Variants in NLGN1 observed in about 807,000 individuals in gnomAD.
NLGN1 encodes neuroligin 1.
Under a neutral mutation model 65.5 loss-of-function variants are expected in NLGN1, and 12 were observed. That is an observed-to-expected ratio of 0.18 (90% confidence interval 0.12 to 0.30). The LOEUF is 0.30. Among genes scored for constraint, NLGN1 ranks in the 10% least tolerant of loss-of-function variants. NLGN1 has a pLI of 1.00. For missense variants in NLGN1, 750 were observed against 1,007.1 expected (o/e 0.74, Z 3.46); for synonymous variants, 350 against 359.5 (o/e 0.97, Z 0.30).
intron 4 of NLGN1, among the ~76,000 whole-genome samples, chr3:174,048,405 C>A (rs1410464725): frequency 1.3e-5 from 2 of 151,904 alleles, no homozygotes; most frequent in South Asian, 2.1e-4. Context: ...GAGGTGAAAT[C>A]ATTGGTGTCA....
At chr3:174,164,462 C>T (rs188519702) in intron 4 of NLGN1, among the ~76,000 whole-genome samples, 67 of 151,736 alleles carry the variant, frequency 4.4e-4, no homozygotes, top group Admixed American at 3.4e-3. Context: ...GGCTTTGTTG[C>T]GCTTTTTCTT....
At chr3:173,979,885 C>T (rs1270095494) in intron 4 of NLGN1, among the ~76,000 whole-genome samples, 6 of 151,964 alleles carry the variant, frequency 3.9e-5, no homozygotes, top group Non-Finnish European at 8.8e-5. Flanking sequence ...TCAACATGTT[C>T]AATGGATTGT....
chr3:173,492,039 G>A (rs1310376831), intron 2 of NLGN1, among the ~76,000 whole-genome samples: 1 of 151,746 alleles, frequency 6.6e-6, no homozygotes, highest in Non-Finnish European at 1.5e-5. Flanking sequence ...GTGGGTAAAG[G>A]ATGGGATATG....
intron 4 of NLGN1, among the ~76,000 whole-genome samples, chr3:174,202,399 CA>C (rs1443302606): frequency 5.9e-5 from 9 of 151,738 alleles, no homozygotes; most frequent in Admixed American, 3.3e-4. Context: ...AGCCATGTAC[CA>C]GGGGGTGAAA....
chr3:173,580,352 C>T (rs761024291), intron 2 of NLGN1, among the ~76,000 whole-genome samples: 5 of 151,968 alleles, frequency 3.3e-5, no homozygotes, highest in Non-Finnish European at 5.9e-5. Context: ...TTGGAATGCC[C>T]TATAGTGCTC....
intron 1 of NLGN1, among the ~76,000 whole-genome samples, chr3:173,426,461 T>C (rs1716126549): frequency 6.6e-6 from 1 of 152,122 alleles, no homozygotes; most frequent in Non-Finnish European, 1.5e-5. Context: ...TGATGTTAGC[T>C]ATGGGTTTGT....
At chr3:174,144,871 T>C (rs1213134724) in intron 4 of NLGN1, among the ~76,000 whole-genome samples, 1 of 152,178 alleles carries the variant, frequency 6.6e-6, no homozygotes, top group Non-Finnish European at 1.5e-5. Context: ...ACTCTAATGA[T>C]AGTTTCTTTT....
intron 3 of NLGN1, among the ~76,000 whole-genome samples, chr3:173,623,508 A>G (rs571696118): frequency 1.3e-5 from 2 of 152,226 alleles, no homozygotes; most frequent in South Asian, 2.1e-4. Flanking sequence ...TCACTATGGA[A>G]GGAGAGAATG....
chr3:173,733,121 T>G (rs1773135015), intron 3 of NLGN1, among the ~76,000 whole-genome samples: 1 of 152,114 alleles, frequency 6.6e-6, no homozygotes, highest in Admixed American at 6.6e-5. Context: ...TTAAATCTGG[T>G]TTTAAAAATC....
chr3:173,668,191 T>A (rs1485303801), intron 3 of NLGN1, among the ~76,000 whole-genome samples: 1 of 152,102 alleles, frequency 6.6e-6, no homozygotes, highest in Admixed American at 6.6e-5. Flanking sequence ...GTGATCAAAA[T>A]TTCCTTAGGG....
chr3:173,736,660 A>AG (rs1773814626), intron 3 of NLGN1, among the ~76,000 whole-genome samples: 1 of 151,986 alleles, frequency 6.6e-6, no homozygotes, highest in Non-Finnish European at 1.5e-5. Flanking sequence ...AGATAAAAAA[A>AG]AAATAATTTT....
chr3:173,419,845 T>G (rs150227519), intron 1 of NLGN1, among the ~76,000 whole-genome samples: 1,591 of 152,036 alleles, frequency 0.01, 37 homozygotes, highest in African/African-American at 0.036. Context: ...TGGTAGTGTG[T>G]GCCTGTAGTC....
intron 2 of NLGN1, among the ~76,000 whole-genome samples, chr3:173,450,250 C>A (rs1384924791): frequency 2.0e-5 from 3 of 152,086 alleles, no homozygotes; most frequent in African/African-American, 7.2e-5. Flanking sequence ...TCTTTTAGGG[C>A]AGGCCTGGTG....
At chr3:173,919,390 T>C (rs1384059286) in intron 4 of NLGN1, among the ~76,000 whole-genome samples, 3 of 152,158 alleles carry the variant, frequency 2.0e-5, no homozygotes, top group African/African-American at 7.2e-5. Flanking sequence ...GAAAAAAATT[T>C]TCTTGGGTTT....
intron 4 of NLGN1, among the ~76,000 whole-genome samples, chr3:173,834,450 C>A (rs1488879900): frequency 6.6e-6 from 1 of 152,048 alleles, no homozygotes; most frequent in African/African-American, 2.4e-5. Flanking sequence ...AAGAACTGAT[C>A]TTTCACAACA....
chr3:173,428,615 A>C (rs1163828623), intron 1 of NLGN1, among the ~76,000 whole-genome samples: 1 of 151,964 alleles, frequency 6.6e-6, no homozygotes, highest in Non-Finnish European at 1.5e-5. Context: ...CTATCTCTTA[A>C]GAAATTATGT....
At chr3:174,112,797 G>A (rs981148451) in intron 4 of NLGN1, among the ~76,000 whole-genome samples, 3 of 151,662 alleles carry the variant, frequency 2.0e-5, no homozygotes, top group Non-Finnish European at 4.4e-5. Context: ...TTTTATTTTA[G>A]ACCCATTATT....
At chr3:174,293,173 A>G in the NLGN1 span, among the ~76,000 whole-genome samples, 2 of 151,558 alleles carry the variant, frequency 1.3e-5, no homozygotes, top group African/African-American at 2.4e-5. Flanking sequence ...TAGTGTTGAT[A>G]GATCACAGAG....
upstream of NLGN1, among the ~76,000 whole-genome samples, chr3:173,397,271 A>G (rs73178871): frequency 2.6e-5 from 4 of 152,328 alleles, no homozygotes; most frequent in African/African-American, 7.2e-5. Flanking sequence ...GCCAGAGTTG[A>G]GCGAGACGAA....
Sources: allele counts gnomAD v4.1 joint callset (sites outside exome capture counted in the v4.1 genomes callset), GRCh38; gene constraint gnomAD v4.1.1; transcripts MANE v1.5; gene names NCBI Gene and HGNC (gene_info 2026-07-23, HGNC 2026-07-21).